Variants in ALG5 observed in about 807,000 individuals in gnomAD.
ALG5 encodes dolichyl-phosphate beta-glucosyltransferase.
Under a neutral mutation model 51.8 loss-of-function variants are expected in ALG5, and 26 were observed. That is an observed-to-expected ratio of 0.50 (90% confidence interval 0.37 to 0.70). ALG5 has a LOEUF of 0.70. ALG5 is among the 30% of genes least tolerant of loss of function. The pLI, the probability that ALG5 is intolerant of heterozygous loss-of-function variation, is 0.00. For synonymous variants in ALG5, 141 were observed against 136.1 expected (o/e 1.04, Z -0.25); for missense variants, 311 against 399.3 (o/e 0.78, Z 1.88).
chr13:36,989,065 C>T (rs11620412), intron 5 of ALG5, among the ~76,000 whole-genome samples: 1,817 of 152,242 alleles, frequency 0.012, 18 homozygotes, highest in Non-Finnish European at 0.019. Context: ...CAAATGCTTA[C>T]CTTTCCTATT....
intron 8 of ALG5, among the ~76,000 whole-genome samples, chr13:36,955,396 A>C (rs1215166264): frequency 6.6e-6 from 1 of 152,204 alleles, no homozygotes; most frequent in Non-Finnish European, 1.5e-5. Context: ...ATGCAGGTAA[A>C]GAAAATGACA....
At chr13:36,981,655 C>G (rs1412715959) in intron 6 of ALG5, among the ~76,000 whole-genome samples, 2 of 152,006 alleles carry the variant, frequency 1.3e-5, no homozygotes, top group Non-Finnish European at 2.9e-5. Flanking sequence ...GATGGAGAGA[C>G]AAAGTTCAAA....
intron 8 of ALG5, chr13:36,952,899 T>C (rs1485008967): frequency 2.5e-5 from 5 of 199,052 alleles, no homozygotes; most frequent in Non-Finnish European, 2.0e-5. Context: ...AATTTCAAGA[T>C]TGATGGTTTT....
chr13:36,972,950 C>CAG (rs1214002572), intron 6 of ALG5, among the ~76,000 whole-genome samples: 6 of 145,902 alleles, frequency 4.1e-5, no homozygotes, highest in Non-Finnish European at 7.4e-5. Flanking sequence ...CGAGATCACA[C>CAG]CACTGTGCTC....
Position 36,958,424 on chromosome 13 carries a change from AACT to A in ALG5, c.774-5828_774-5826del, listed in dbSNP as rs368970509. Among the ~76,000 whole-genome samples the A allele has an allele frequency of 1.6e-4, 25 of 152,220 alleles. 1 individual carries two copies. The highest frequency in any genetic ancestry group is 5.8e-4 in the African/African-American group (24 of 41,528). ...GTCTCTTCCAGAATTGAAGCTGTAA[AACT>A]ACAAGTGGTTCTTCAAATGGAGCCC... On this transcript the variant is annotated intron_variant, in intron 8 of 9. Transcript: ENST00000239891.
At chr13:36,957,489 A>T (rs865952567) in intron 8 of ALG5, among the ~76,000 whole-genome samples, 1 of 152,158 alleles carries the variant, frequency 6.6e-6, no homozygotes, top group Non-Finnish European at 1.5e-5. Context: ...CCCAGGAAGT[A>T]TCCCAGGCGT....
intron 6 of ALG5, among the ~76,000 whole-genome samples, chr13:36,982,198 AAAG>A (rs1436145309): frequency 3.9e-5 from 6 of 152,242 alleles, no homozygotes; most frequent in African/African-American, 1.4e-4. Context: ...GGGCTGTCAC[AAAG>A]AAGTGGAGTA....
intron 6 of ALG5, among the ~76,000 whole-genome samples, chr13:36,976,425 C>CAAAAAAA (rs57192095): frequency 1.4e-4 from 5 of 36,596 alleles, no homozygotes; most frequent in Admixed American, 3.3e-4. Flanking sequence ...GACTCTGTCT[C>CAAAAAAA]AAAAAAAAAA....
At chr13:36,977,485 TC>T (rs1349772722) in intron 6 of ALG5, among the ~76,000 whole-genome samples, 11 of 151,470 alleles carry the variant, frequency 7.3e-5, no homozygotes, top group Admixed American at 4.6e-4. Flanking sequence ...CAGAAGGAGA[TC>T]CCAACTCATT....
intron 2 of ALG5, 116 bp from the exon 3 acceptor site, chr13:36,995,151 C>T: frequency 1.1e-6 from 1 of 903,132 alleles, no homozygotes; most frequent in Non-Finnish European, 1.7e-6. Context: ...CTGGTACTTT[C>T]CCAATGGTCA....
chr13:36,986,168 A>C (rs1374179988), intron 5 of ALG5, among the ~76,000 whole-genome samples: 1 of 152,224 alleles, frequency 6.6e-6, no homozygotes, highest in Non-Finnish European at 1.5e-5. Flanking sequence ...TAATATATAG[A>C]TATGCTGTGA....
At chr13:36,988,933 T>C (rs937457603) in intron 5 of ALG5, among the ~76,000 whole-genome samples, 1 of 152,242 alleles carries the variant, frequency 6.6e-6, no homozygotes, top group African/African-American at 2.4e-5. Flanking sequence ...CATATCTTGA[T>C]TTTTAAACTT....
intron 6 of ALG5, among the ~76,000 whole-genome samples, chr13:36,976,584 C>T (rs1049176363): frequency 6.6e-6 from 1 of 151,940 alleles, no homozygotes; most frequent in Non-Finnish European, 1.5e-5. Context: ...CTCATTTCTA[C>T]TAAAAATACA....
intron 8 of ALG5, among the ~76,000 whole-genome samples, chr13:36,960,216 G>A (rs1174128655): frequency 1.3e-5 from 2 of 152,126 alleles, no homozygotes; most frequent in East Asian, 3.8e-4. Flanking sequence ...CGTGTGGAGG[G>A]TATACAGAAC....
At chr13:36,953,713 C>A (rs539338780) in intron 8 of ALG5, among the ~76,000 whole-genome samples, 1 of 152,182 alleles carries the variant, frequency 6.6e-6, no homozygotes, top group Middle Eastern at 3.4e-3. Context: ...TGGTTTTTTG[C>A]CACAATACCA....
intron 6 of ALG5, among the ~76,000 whole-genome samples, chr13:36,984,296 T>C (rs1316166440): frequency 1.3e-5 from 2 of 152,214 alleles, no homozygotes; most frequent in East Asian, 3.9e-4. Context: ...AGATGGGGTC[T>C]TGTTATGTTG....
At chr13:36,993,767 T>C (rs2059036239) in intron 3 of ALG5, 95 bp from the exon 4 acceptor site, 1 of 919,366 alleles carries the variant, frequency 1.1e-6, no homozygotes, top group Non-Finnish European at 1.7e-6. Flanking sequence ...ACTGCTTTAG[T>C]GTTGATACAT....
chr13:36,988,195 T>C (rs979455823), intron 5 of ALG5, among the ~76,000 whole-genome samples: 2 of 152,326 alleles, frequency 1.3e-5, no homozygotes, highest in African/African-American at 4.8e-5. Context: ...ACTTCTATTA[T>C]AGCATTTACA....
rs190638490 is a variant in ALG5, at chr13:36,975,114, G to A, written c.562-3078C>T. ...TAGTCCCAGCCACTTGGGAGGTTGC[G>A]GCAGGAGAATTGCTTGAACTCAGGA... is the stretch of plus-strand genomic sequence containing the variant. On this transcript the variant is annotated intron_variant, in intron 6 of 9. Coordinates refer to ENST00000239891, the MANE Select transcript of ALG5 (RefSeq NM_013338.5). 1.1e-4 allele frequency among the ~76,000 whole-genome samples: 16 copies of A among 152,240 alleles called. 1 individual carries two copies. The highest frequency in any genetic ancestry group is 3.3e-4 in the Admixed American group (5 of 15,292).
Sources: gnomAD v4.1 joint callset for allele counts (sites outside exome capture counted in the v4.1 genomes callset) on GRCh38, gnomAD v4.1.1 for gene constraint, MANE v1.5 for transcripts, NCBI Gene and HGNC (gene_info 2026-07-23, HGNC 2026-07-21) for gene names.